NALF1: variants seen among roughly 807,000 people sequenced by gnomAD.
NALF1 encodes the protein family with sequence similarity 155 member A.
In NALF1, 3 loss-of-function variants were observed where a neutral mutation model predicts 48.4. The observed-to-expected ratio is 0.06, with a 90% CI of 0.03 to 0.16. The LOEUF (loss-of-function observed/expected upper bound fraction) is 0.16. Ranked by LOEUF, NALF1 falls within the 10% of genes least tolerant of loss-of-function variation. NALF1 has a pLI of 1.00. For missense variants in NALF1, 526 were observed against 571.5 expected (o/e 0.92, Z 0.81); for synonymous variants, 262 against 245.7 (o/e 1.07, Z -0.62).
intron 1 of NALF1, among the ~76,000 whole-genome samples, chr13:107,265,722 T>A (rs1881025799): frequency 2.6e-5 from 4 of 152,158 alleles, no homozygotes; most frequent in Non-Finnish European, 4.4e-5. Flanking sequence ...TTTTTTTGTT[T>A]TTTAATGGAA....
At chr13:107,391,347 GACTT>G (rs1883623701) in intron 1 of NALF1, among the ~76,000 whole-genome samples, 1 of 151,982 alleles carries the variant, frequency 6.6e-6, no homozygotes, top group African/African-American at 2.4e-5. Context: ...TATAAATCGT[GACTT>G]ACTTTTCAAT....
chr13:107,594,464 C>G (rs1042885991), intron 1 of NALF1, among the ~76,000 whole-genome samples: 2 of 151,946 alleles, frequency 1.3e-5, no homozygotes, highest in Admixed American at 1.3e-4. Context: ...CTCTTTCCCC[C>G]AATCCCCTGT....
rs368392881 is a variant in NALF1, at chr13:107,772,618, AT to A, written c.915+93063del. On this transcript the variant is annotated intron_variant, in intron 1 of 2. Coordinates refer to ENST00000375915, the MANE Select transcript of NALF1 (RefSeq NM_001080396.3). ...TAAAAGCTAAATTAGCCATTGTGAG[AT>A]TTGCAGCATCATTTACAGCAGGCTT... 2.4e-3 allele frequency among the ~76,000 whole-genome samples: 368 copies of A among 152,302 alleles called. 1 individual carries two copies. The highest frequency in any genetic ancestry group is 7.6e-3 in the African/African-American group (317 of 41,574).
intron 1 of NALF1, among the ~76,000 whole-genome samples, chr13:107,786,951 G>A (rs1004701543): frequency 6.6e-6 from 1 of 152,204 alleles, no homozygotes; most frequent in Admixed American, 6.5e-5. Flanking sequence ...ATGGACGCCT[G>A]AGATATCTTC....
At chr13:107,418,104 A>T (rs530708389) in intron 1 of NALF1, among the ~76,000 whole-genome samples, 24 of 152,262 alleles carry the variant, frequency 1.6e-4, no homozygotes, top group African/African-American at 5.5e-4. Context: ...GCTTAAATAG[A>T]AGACATTTTT....
In NALF1 at chr13:107,569,996, T is replaced by C. The variant is rs117054174; in HGVS notation, c.915+295686A>G. On this transcript the variant is annotated intron_variant, in intron 1 of 2. Transcript: ENST00000375915. ...TTTTTAAAAAAAATCTCTGTTTCAA[T>C]TTGTTCCTTGATAGTATAAAGAAAT... 1.7e-3 allele frequency among the ~76,000 whole-genome samples: 256 copies of C among 152,274 alleles called. 1 individual carries two copies. Among genetic ancestry groups the C allele is most frequent in the Admixed American group, 6.7e-3 (103 of 15,298 alleles).
At chr13:107,469,654 T>TA (rs1491501518) in intron 1 of NALF1, among the ~76,000 whole-genome samples, 1 of 152,176 alleles carries the variant, frequency 6.6e-6, no homozygotes, top group Non-Finnish European at 1.5e-5. Context: ...AAGTTTTTTT[T>TA]ATGTTTTAAT....
chr13:107,771,451 A>G (rs977598901), intron 1 of NALF1, among the ~76,000 whole-genome samples: 1 of 150,568 alleles, frequency 6.6e-6, no homozygotes, highest in Non-Finnish European at 1.5e-5. Context: ...TAACAGCATA[A>G]ATGTATATAT....
intron 1 of NALF1, among the ~76,000 whole-genome samples, chr13:107,682,140 C>T (rs952093142): frequency 2.6e-5 from 4 of 152,194 alleles, no homozygotes. Flanking sequence ...TCTCCTAGGT[C>T]GTGCAAACTT....
intron 1 of NALF1, among the ~76,000 whole-genome samples, chr13:107,514,439 A>G (rs1875992248): frequency 6.6e-6 from 1 of 151,700 alleles, no homozygotes; most frequent in African/African-American, 2.4e-5. Context: ...CTATCTATCT[A>G]TCTATCTATC....
intron 1 of NALF1, among the ~76,000 whole-genome samples, chr13:107,861,593 G>T (rs1287557074): frequency 6.6e-6 from 1 of 152,178 alleles, no homozygotes; most frequent in African/African-American, 2.4e-5. Context: ...GACCATCCTG[G>T]CTTACATGAT....
intron 1 of NALF1, among the ~76,000 whole-genome samples, chr13:107,615,760 T>G (rs187452049): frequency 2.0e-4 from 31 of 152,358 alleles, no homozygotes; most frequent in African/African-American, 6.7e-4. Context: ...GTAGGCATTC[T>G]TCTAGGTTAA....
intron 1 of NALF1, among the ~76,000 whole-genome samples, chr13:107,213,168 T>C (rs1309470511): frequency 6.6e-6 from 1 of 150,716 alleles, no homozygotes; most frequent in East Asian, 1.9e-4. Flanking sequence ...ACATATCCAT[T>C]TTTATTCTGG....
intron 1 of NALF1, among the ~76,000 whole-genome samples, chr13:107,575,884 T>C (rs1878126267): frequency 6.6e-6 from 1 of 152,018 alleles, no homozygotes; most frequent in Non-Finnish European, 1.5e-5. Flanking sequence ...TGCAAAGACG[T>C]ATGTTTGGGA....
intron 1 of NALF1, among the ~76,000 whole-genome samples, chr13:107,860,518 G>A (rs1357272381): frequency 6.6e-6 from 1 of 152,118 alleles, no homozygotes; most frequent in Admixed American, 6.6e-5. Flanking sequence ...AATCTCTTAG[G>A]GTTGGGATGC....
intron 1 of NALF1, among the ~76,000 whole-genome samples, chr13:107,581,464 C>T (rs903049572): frequency 6.6e-6 from 1 of 152,132 alleles, no homozygotes; most frequent in African/African-American, 2.4e-5. Context: ...TAGAGGAAAG[C>T]AATCACAGCA....
At chr13:107,325,867 TATATATATATATATATATATAC>T (rs1882347839) in intron 1 of NALF1, among the ~76,000 whole-genome samples, 3 of 89,386 alleles carry the variant, frequency 3.4e-5, no homozygotes, top group Admixed American at 1.3e-4. Context: ...TATATATATA[TATATATATATATATATATATAC>T]ACACACACAC....
chr13:107,799,383 T>C (rs943743021), intron 1 of NALF1, among the ~76,000 whole-genome samples: 3 of 152,138 alleles, frequency 2.0e-5, no homozygotes, highest in Non-Finnish European at 4.4e-5. Context: ...TGAGGTGATA[T>C]GTGGGAAAGT....
At chr13:107,387,550 A>G (rs993747458) in intron 1 of NALF1, among the ~76,000 whole-genome samples, 6 of 152,300 alleles carry the variant, frequency 3.9e-5, no homozygotes, top group African/African-American at 1.4e-4. Context: ...GGTACAGAGT[A>G]TCTGTTCAGT....
Sources: allele counts gnomAD v4.1 joint callset (sites outside exome capture counted in the v4.1 genomes callset), GRCh38; gene constraint gnomAD v4.1.1; transcripts MANE v1.5; gene names NCBI Gene and HGNC (gene_info 2026-07-23, HGNC 2026-07-21).